NPAT: variants seen among roughly 807,000 people sequenced by gnomAD.
NPAT encodes the protein nuclear protein, coactivator of histone transcription, also known as protein NPAT.
A neutral mutation model predicts 130.7 loss-of-function variants in NPAT; 52 were observed. The observed-to-expected ratio is 0.40, with a 90% confidence interval of 0.32 to 0.50. The LOEUF (loss-of-function observed/expected upper bound fraction) is 0.50, where lower values mean the gene tolerates loss of function less well. Among genes scored for constraint, NPAT ranks in the 20% least tolerant of loss-of-function variants. NPAT has a pLI of 0.68. For missense variants in NPAT, 1,687 were observed against 1,662.6 expected, an observed-to-expected ratio of 1.01 and a Z score of -0.26; for synonymous variants, 580 against 584.8, an observed-to-expected ratio of 0.99 and a Z score of 0.12.
chr11:108,202,781 C>T (rs965476240), intron 1 of NPAT, among the ~76,000 whole-genome samples: 7 of 152,162 alleles, frequency 4.6e-5, no homozygotes, highest in Admixed American at 2.0e-4. Context: ...ATGCAGAAGA[C>T]GAGAGGCATC....
At chr11:108,181,704 T>A (rs1027507392) in intron 10 of NPAT, among the ~76,000 whole-genome samples, 1 of 150,800 alleles carries the variant, frequency 6.6e-6, no homozygotes, top group Non-Finnish European at 1.5e-5. Context: ...TAATTTTGCA[T>A]CCAAGGAAAG....
intron 4 of NPAT, among the ~76,000 whole-genome samples, chr11:108,191,666 A>AGT (rs1461502959): frequency 2.7e-4 from 41 of 152,364 alleles, no homozygotes; most frequent in African/African-American, 9.9e-4. Flanking sequence ...CTATAGTCAA[A>AGT]TATGAGATTT....
intron 10 of NPAT, among the ~76,000 whole-genome samples, chr11:108,177,719 C>CTTTT (rs11330167): frequency 6.6e-6 from 1 of 151,064 alleles, no homozygotes; most frequent in Non-Finnish European, 1.5e-5. Flanking sequence ...ATAAAGTTCC[C>CTTTT]TTTTTTTTTG....
At chr11:108,208,193 G>A (rs1243853427) in intron 1 of NPAT, among the ~76,000 whole-genome samples, 1 of 152,156 alleles carries the variant, frequency 6.6e-6, no homozygotes, top group Non-Finnish European at 1.5e-5. Context: ...TATACAAACA[G>A]TTTTGGTTTT....
chr11:108,212,114 T>C (rs1035354117), intron 1 of NPAT, among the ~76,000 whole-genome samples: 3 of 151,466 alleles, frequency 2.0e-5, no homozygotes, highest in Non-Finnish European at 2.9e-5. Context: ...TTCAATGGTT[T>C]AAAATTCAAA....
At chr11:108,217,451 ATATCAGT>A (rs2078444609) in intron 1 of NPAT, among the ~76,000 whole-genome samples, 1 of 152,194 alleles carries the variant, frequency 6.6e-6, no homozygotes, top group East Asian at 1.9e-4. Context: ...ATTCTTGTAT[ATATCAGT>A]TAGCCTATGG....
intron 1 of NPAT, among the ~76,000 whole-genome samples, chr11:108,219,143 CT>C (rs1208977949): frequency 6.6e-6 from 1 of 152,114 alleles, no homozygotes. Context: ...TTCTGTCGGC[CT>C]GCTACTGGCT....
At chr11:108,180,073 T>C (rs2078045270) in intron 10 of NPAT, among the ~76,000 whole-genome samples, 1 of 152,154 alleles carries the variant, frequency 6.6e-6, no homozygotes, top group Non-Finnish European at 1.5e-5. Flanking sequence ...ACACCTATAG[T>C]CCTAGCACTT....
intron 13 of NPAT, 116 bp from the exon 14 acceptor site, chr11:108,170,159 T>G (rs1242689690): frequency 1.4e-6 from 1 of 705,296 alleles, no homozygotes; most frequent in Non-Finnish European, 2.5e-6. Flanking sequence ...GAACAATCCC[T>G]CTTCCTTACG....
intron 1 of NPAT, among the ~76,000 whole-genome samples, chr11:108,209,995 C>T (rs575938806): frequency 7.7e-6 from 1 of 129,668 alleles, no homozygotes; most frequent in South Asian, 2.4e-4. Context: ...ATAAATGAAA[C>T]AAAAATAGAG....
chr11:108,164,395 T>C (rs1053772030), intron 15 of NPAT, among the ~76,000 whole-genome samples: 1 of 152,036 alleles, frequency 6.6e-6, no homozygotes, highest in Non-Finnish European at 1.5e-5. Context: ...GGCTATAGAG[T>C]AGCTAGTGGC....
intron 15 of NPAT, among the ~76,000 whole-genome samples, chr11:108,167,819 C>T (rs1043113770): frequency 6.6e-6 from 1 of 152,086 alleles, no homozygotes; most frequent in South Asian, 2.1e-4. Context: ...AAACAAGTGT[C>T]AGACTGTGAA....
At chr11:108,196,059 T>C (rs1265272412) in intron 2 of NPAT, among the ~76,000 whole-genome samples, 1 of 152,262 alleles carries the variant, frequency 6.6e-6, no homozygotes. Flanking sequence ...AATCCAACTT[T>C]GCACAATTTT....
At chr11:108,216,880 G>A (rs1226252786) in intron 1 of NPAT, among the ~76,000 whole-genome samples, 2 of 152,056 alleles carry the variant, frequency 1.3e-5, no homozygotes, top group Non-Finnish European at 2.9e-5. Context: ...GATGTATTCT[G>A]GTTTACTTTT....
chr11:108,207,673 G>T (rs780040830), intron 1 of NPAT, among the ~76,000 whole-genome samples: 6 of 152,240 alleles, frequency 3.9e-5, no homozygotes, highest in Non-Finnish European at 8.8e-5. Context: ...CGGGAGCAGG[G>T]AGAGGCCAGG....
chr11:108,160,685 T>G (rs552285963), intron 17 of NPAT, among the ~76,000 whole-genome samples, 195 bp downstream of exon 17: 64 of 152,366 alleles, frequency 4.2e-4, no homozygotes, highest in African/African-American at 1.5e-3. Flanking sequence ...TTTGTTGCCC[T>G]ACAAGTCTGA....
At chr11:108,194,481 G>C (rs1011487845) in intron 2 of NPAT, among the ~76,000 whole-genome samples, 3 of 152,256 alleles carry the variant, frequency 2.0e-5, no homozygotes, top group Non-Finnish European at 2.9e-5. Flanking sequence ...TATTTGTTCA[G>C]AATTGTTAAT....
At chr11:108,197,223 T>C (rs1170248874) in intron 2 of NPAT, 79 bp downstream of exon 2, 5 of 1,050,030 alleles carry the variant, frequency 4.8e-6, no homozygotes, top group Middle Eastern at 2.1e-4. Context: ...ATTTTTTTTT[T>C]CTGATAAGCT....
At chr11:108,195,200 GGTAAT>G (rs2078208540) in intron 2 of NPAT, among the ~76,000 whole-genome samples, 2 of 152,144 alleles carry the variant, frequency 1.3e-5, no homozygotes, top group South Asian at 2.1e-4. Flanking sequence ...AATTGATTTG[GGTAAT>G]GTGAGTGTTG....
Sources: allele counts gnomAD v4.1 joint callset (sites outside exome capture counted in the v4.1 genomes callset), GRCh38; gene constraint gnomAD v4.1.1; transcripts MANE v1.5; gene names NCBI Gene and HGNC (gene_info 2026-07-23, HGNC 2026-07-21).